Variants in LPP observed in about 807,000 individuals in gnomAD.
The protein encoded by LPP is lipoma-preferred partner.
Under a neutral mutation model 60.4 loss-of-function variants are expected in LPP, and 38 were observed. The observed-to-expected ratio is 0.63, with a 90% confidence interval of 0.49 to 0.83. LPP has a LOEUF of 0.83. Ranked by LOEUF, LPP falls within the 40% of genes least tolerant of loss-of-function variation. The pLI is 0.00. For synonymous variants in LPP, 328 were observed against 290.8 expected (o/e 1.13, Z -1.30); for missense variants, 902 against 783.6 (o/e 1.15, Z -1.80).
chr3:188,375,708 C>T (rs1343182320), intron 3 of LPP, among the ~76,000 whole-genome samples: 2 of 152,138 alleles, frequency 1.3e-5, no homozygotes, highest in Non-Finnish European at 2.9e-5. Context: ...CTATTTCCTT[C>T]ATTCTGCTCT....
chr3:188,577,774 T>G (rs1835052757), intron 6 of LPP, among the ~76,000 whole-genome samples: 1 of 136,694 alleles, frequency 7.3e-6, no homozygotes, highest in African/African-American at 2.6e-5. Context: ...CCTTCCTTCC[T>G]TCCTTCTGTC....
intron 6 of LPP, among the ~76,000 whole-genome samples, chr3:188,574,105 C>T (rs1834083293): frequency 6.6e-6 from 1 of 152,192 alleles, no homozygotes; most frequent in South Asian, 2.1e-4. Flanking sequence ...TCCCACCAGG[C>T]CAAGAAGCAG....
intron 8 of LPP, among the ~76,000 whole-genome samples, chr3:188,734,667 C>T (rs1721866311): frequency 6.6e-6 from 1 of 152,206 alleles, no homozygotes; most frequent in East Asian, 1.9e-4. Context: ...GAACCTCCTT[C>T]CCTGGGGAAT....
chr3:188,566,120 CA>C (rs1832080945), intron 6 of LPP, among the ~76,000 whole-genome samples: 1 of 151,938 alleles, frequency 6.6e-6, no homozygotes, highest in Admixed American at 6.6e-5. Flanking sequence ...CCCAATTAAC[CA>C]GTGTCTTTGA....
At chr3:188,599,911 T>G (rs1234109041) in intron 6 of LPP, among the ~76,000 whole-genome samples, 1 of 152,014 alleles carries the variant, frequency 6.6e-6, no homozygotes, top group Non-Finnish European at 1.5e-5. Flanking sequence ...GCATAATATT[T>G]GAGATTATTT....
chr3:188,338,233 A>G (rs1306003396), intron 2 of LPP, among the ~76,000 whole-genome samples: 2 of 152,226 alleles, frequency 1.3e-5, no homozygotes, highest in Non-Finnish European at 2.9e-5. Context: ...ATCATAAGCT[A>G]TGGAATACCT....
At chr3:188,838,670 G>T (rs1577896762) in intron 9 of LPP, among the ~76,000 whole-genome samples, 1 of 152,136 alleles carries the variant, frequency 6.6e-6, no homozygotes, top group Admixed American at 6.5e-5. Context: ...GGAATACTAT[G>T]CAGCCATAAA....
intron 3 of LPP, among the ~76,000 whole-genome samples, chr3:188,351,096 A>G (rs1765702605): frequency 1.3e-5 from 2 of 152,168 alleles, no homozygotes. Flanking sequence ...TCCCTCATAC[A>G]TATTTTAAAG....
rs936550902 is a variant in LPP, at chr3:188,839,399, G to T, written c.1411-26801G>T. 2.6e-5 allele frequency among the ~76,000 whole-genome samples: 4 copies of T among 152,174 alleles called. No homozygotes were observed. In the South Asian group the frequency reaches 8.3e-4, roughly 31 times the overall value. On this transcript the variant is annotated intron_variant, in intron 9 of 11. Coordinates refer to ENST00000617246, the MANE Select transcript of LPP (RefSeq NM_001375462.1). ...ATAACTGATGTTTATTCTGTAGTTA[G>T]AGCCCCCAAGGCTTCAGCAAACATT...
intron 3 of LPP, among the ~76,000 whole-genome samples, chr3:188,373,469 C>A (rs368987706): frequency 3.3e-5 from 5 of 152,202 alleles, no homozygotes; most frequent in South Asian, 4.1e-4. Flanking sequence ...GATGATGAGC[C>A]TTTTTTCATG....
intron 8 of LPP, among the ~76,000 whole-genome samples, chr3:188,724,703 A>G (rs1051373557): frequency 2.6e-5 from 4 of 152,154 alleles, no homozygotes; most frequent in African/African-American, 9.7e-5. Context: ...GATTGTAGCA[A>G]TATTTATGTC....
intron 10 of LPP, 104 bp from the exon 11 acceptor site, chr3:188,872,539 A>C (rs1472857731): frequency 3.8e-5 from 47 of 1,248,856 alleles, no homozygotes; most frequent in Non-Finnish European, 5.0e-5. Context: ...ACGGATGAGG[A>C]AGCAGGTATA....
intron 2 of LPP, among the ~76,000 whole-genome samples, chr3:188,303,050 G>A (rs115369749): frequency 0.012 from 1,793 of 152,090 alleles, 17 homozygotes; most frequent in Non-Finnish European, 0.02. Context: ...TGCCTACTAC[G>A]TACTCAACAC....
intron 1 of LPP, among the ~76,000 whole-genome samples, chr3:188,188,623 A>G (rs1727273572): frequency 6.6e-6 from 1 of 152,138 alleles, no homozygotes; most frequent in Admixed American, 6.5e-5. Context: ...CATTGAGAAT[A>G]TGCTACAAGA....
intron 7 of LPP, among the ~76,000 whole-genome samples, chr3:188,638,600 G>A (rs1849348266): frequency 6.7e-6 from 1 of 148,766 alleles, no homozygotes; most frequent in Admixed American, 6.6e-5. Context: ...TGACATGATT[G>A]TATATCTAGA....
intron 9 of LPP, among the ~76,000 whole-genome samples, chr3:188,826,010 G>T (rs1013629432): frequency 2.0e-5 from 3 of 151,692 alleles, no homozygotes; most frequent in Non-Finnish European, 2.9e-5. Flanking sequence ...TCCTCCCTCC[G>T]CCCCCTCAGC....
intron 1 of LPP, among the ~76,000 whole-genome samples, chr3:188,187,643 G>C (rs1468389387): frequency 6.6e-6 from 1 of 151,850 alleles, no homozygotes; most frequent in Non-Finnish European, 1.5e-5. Context: ...ATTTTGGACT[G>C]GTTTCTCCAT....
intron 5 of LPP, among the ~76,000 whole-genome samples, chr3:188,501,853 G>A (rs562832056): frequency 6.6e-6 from 1 of 152,112 alleles, no homozygotes; most frequent in South Asian, 2.1e-4. Context: ...GGAAGCAGAG[G>A]TTTCAGTGAG....
chr3:188,323,841 G>A (rs952608367), intron 2 of LPP, among the ~76,000 whole-genome samples: 5 of 152,178 alleles, frequency 3.3e-5, no homozygotes, highest in Non-Finnish European at 5.9e-5. Context: ...TGGAAGTGGA[G>A]GTCATAGATT....
Sources: gnomAD v4.1 joint callset for allele counts (sites outside exome capture counted in the v4.1 genomes callset) on GRCh38, gnomAD v4.1.1 for gene constraint, MANE v1.5 for transcripts, NCBI Gene and HGNC (gene_info 2026-07-23, HGNC 2026-07-21) for gene names.